MED12L: variants seen among roughly 807,000 people sequenced by gnomAD.
MED12L encodes mediator of RNA polymerase II transcription subunit 12-like protein.
In MED12L, 60 loss-of-function variants were observed where a neutral mutation model predicts 281.3. The ratio of observed to expected loss-of-function variants is 0.21; its 90% CI spans 0.17 to 0.26. The LOEUF (loss-of-function observed/expected upper bound fraction) is 0.26. Ranked by LOEUF, MED12L falls within the 10% of genes least tolerant of loss-of-function variation. The pLI is 1.00. For missense variants in MED12L, 2,146 were observed against 2,680.9 expected (o/e 0.80, Z 4.41); for synonymous variants, 974 against 987.2 (o/e 0.99, Z 0.25).
chr3:151,321,121 G>A (rs1253730976), intron 16 of MED12L, among the ~76,000 whole-genome samples: 3 of 152,200 alleles, frequency 2.0e-5, no homozygotes, highest in Non-Finnish European at 2.9e-5. Context: ...ATATGCCTCA[G>A]CTTAGAAGTT....
At chr3:151,318,435 A>T (rs761344189) in intron 16 of MED12L, among the ~76,000 whole-genome samples, 1 of 149,460 alleles carries the variant, frequency 6.7e-6, no homozygotes, top group African/African-American at 2.5e-5. Flanking sequence ...AGTTTGGGAG[A>T]TTTGTCCTTG....
At chr3:151,409,951 C>G (rs937035045) in intron 40 of MED12L, among the ~76,000 whole-genome samples, 8 of 152,054 alleles carry the variant, frequency 5.3e-5, no homozygotes, top group African/African-American at 1.9e-4. Flanking sequence ...AAGACCCTGT[C>G]TCAAAATAAA....
At chr3:151,256,777 A>G (rs1737886432) in intron 16 of MED12L, among the ~76,000 whole-genome samples, 1 of 149,472 alleles carries the variant, frequency 6.7e-6, no homozygotes, top group Non-Finnish European at 1.5e-5. Context: ...TTTTGTTAAT[A>G]CTTTGTTAGT....
intron 3 of MED12L, among the ~76,000 whole-genome samples, chr3:151,119,064 CTAAAG>C (rs934898171): frequency 5.3e-5 from 8 of 152,116 alleles, no homozygotes; most frequent in Non-Finnish European, 1.0e-4. Context: ...TTCCTTATGG[CTAAAG>C]TAGTCATATG....
chr3:151,251,799 CA>C (rs1320041280), intron 16 of MED12L, among the ~76,000 whole-genome samples: 1 of 152,156 alleles, frequency 6.6e-6, no homozygotes, highest in East Asian at 1.9e-4. Context: ...ATTTGAATTG[CA>C]TTTTAAAAAA....
chr3:151,235,295 G>T (rs1038387980), intron 16 of MED12L, among the ~76,000 whole-genome samples: 2 of 152,164 alleles, frequency 1.3e-5, no homozygotes, highest in Non-Finnish European at 2.9e-5. Flanking sequence ...TGGGGGCAGG[G>T]CCCTGCAAGC....
chr3:151,355,255 T>C lies in MED12L; in HGVS notation c.2517+16T>C, dbSNP rs1289117662. On this transcript the variant is annotated intron_variant, in intron 18 of 44. Transcript: ENST00000687756. ...GACATCTCAGGTAGCTATTTAAAGC[T>C]GTTTATTATGCATTTGCAGTATTCT... 1.3e-6 allele frequency: 2 copies of C among 1,542,544 alleles called. No homozygotes were observed. Among genetic ancestry groups the C allele is most frequent in the South Asian group, 2.3e-5 (2 of 87,638 alleles).
chr3:151,398,174 A>G (rs1715227005), intron 39 of MED12L, among the ~76,000 whole-genome samples: 1 of 152,204 alleles, frequency 6.6e-6, no homozygotes, highest in African/African-American at 2.4e-5. Flanking sequence ...TCTGATTTTT[A>G]TCCACACACC....
chr3:151,113,176 A>G (rs1023272892), intron 2 of MED12L, among the ~76,000 whole-genome samples: 1 of 152,208 alleles, frequency 6.6e-6, no homozygotes, highest in Non-Finnish European at 1.5e-5. Flanking sequence ...CTCATTGAGA[A>G]TGTGAAATTT....
chr3:151,170,164 G>A (rs1434628652), intron 11 of MED12L, among the ~76,000 whole-genome samples: 8 of 152,202 alleles, frequency 5.3e-5, no homozygotes, highest in Non-Finnish European at 1.2e-4. Context: ...GTTGGACTGT[G>A]GTCATGAGAG....
chr3:151,169,264 C>T (rs1359721145), intron 11 of MED12L, among the ~76,000 whole-genome samples: 1 of 151,646 alleles, frequency 6.6e-6, no homozygotes, highest in Non-Finnish European at 1.5e-5. Flanking sequence ...ATTACAGGTG[C>T]CCTGCCGTCA....
At chr3:151,210,481 T>C (rs985147226) in intron 16 of MED12L, among the ~76,000 whole-genome samples, 8 of 152,228 alleles carry the variant, frequency 5.3e-5, no homozygotes, top group Non-Finnish European at 1.2e-4. Flanking sequence ...TTTTATATGA[T>C]TATGATCTTT....
At chr3:151,364,823 G>A (rs528133923) in intron 21 of MED12L, among the ~76,000 whole-genome samples, 156 bp from the exon 22 acceptor site, 24 of 151,960 alleles carry the variant, frequency 1.6e-4, no homozygotes, top group Non-Finnish European at 2.5e-4. Context: ...TTTGATTAGC[G>A]CCAATTAGTA....
intron 16 of MED12L, among the ~76,000 whole-genome samples, chr3:151,252,497 T>C (rs184490696): frequency 2.0e-5 from 3 of 152,280 alleles, no homozygotes; most frequent in African/African-American, 7.2e-5. Flanking sequence ...TAATTTTGCA[T>C]CTTTGGCACC....
Position 151,250,907 on chromosome 3 carries a change from C to T in MED12L, c.2250+57241C>T, listed in dbSNP as rs187669589. Among the ~76,000 whole-genome samples, 353 of 152,330 alleles carry T rather than the reference C, an allele frequency of 2.3e-3. 3 individuals carry two copies. Among genetic ancestry groups the T allele is most frequent in the Admixed American group, 0.021 (319 of 15,306 alleles). On this transcript the variant is annotated intron_variant, in intron 16 of 44. Coordinates refer to ENST00000687756, the MANE Select transcript of MED12L (RefSeq NM_001393769.1). ...CAACAGTGCACAAAGGTGTCACTTT[C>T]CCCACATCCTTGCTAACACTTGTTT...
At chr3:151,190,569 A>AAG (rs1332336879) in intron 13 of MED12L, 148 bp from the exon 14 acceptor site, 2 of 705,726 alleles carry the variant, frequency 2.8e-6, no homozygotes, top group Admixed American at 5.3e-5. Context: ...TCTGCCCAAA[A>AAG]TGCTAGTGCC....
At chr3:151,288,426 G>T (rs965830751) in intron 16 of MED12L, among the ~76,000 whole-genome samples, 2 of 152,056 alleles carry the variant, frequency 1.3e-5, no homozygotes, top group Non-Finnish European at 2.9e-5. Context: ...ACTTTATTTG[G>T]AATCTTGTCA....
chr3:151,152,502 A>G (rs1482050178), intron 5 of MED12L, among the ~76,000 whole-genome samples: 1 of 152,106 alleles, frequency 6.6e-6, no homozygotes. Context: ...AACTCAGCTG[A>G]GGCAGAGGCA....
intron 16 of MED12L, among the ~76,000 whole-genome samples, chr3:151,343,822 G>A (rs1352564332): frequency 6.6e-6 from 1 of 152,050 alleles, no homozygotes; most frequent in East Asian, 1.9e-4. Context: ...GCTTCAAATG[G>A]GATTACTCTG....
Sources: gnomAD v4.1 joint callset for allele counts (sites outside exome capture counted in the v4.1 genomes callset) on GRCh38, gnomAD v4.1.1 for gene constraint, MANE v1.5 for transcripts, NCBI Gene and HGNC (gene_info 2026-07-23, HGNC 2026-07-21) for gene names.